Variants in KLHL4 observed in about 807,000 individuals in gnomAD.
The protein encoded by KLHL4 is kelch like family member 4, also known as kelch-like protein 4.
Under a neutral mutation model 45.8 loss-of-function variants are expected in KLHL4, and 17 were observed. That is an observed-to-expected ratio of 0.37 (90% CI 0.25 to 0.56). The LOEUF (loss-of-function observed/expected upper bound fraction) is 0.56. Among genes scored for constraint, KLHL4 ranks in the 20% least tolerant of loss-of-function variants. The pLI is 0.79. For synonymous variants in KLHL4, 224 were observed against 189.9 expected (o/e 1.18, Z -1.47); for missense variants, 544 against 544.9 (o/e 1.00, Z 0.02).
At chrX:87,663,537 C>T (rs943300670) in intron 9 of KLHL4, among the ~76,000 whole-genome samples, 1 of 112,411 alleles carries the variant, frequency 8.9e-6, no homozygotes, top group Non-Finnish European at 1.9e-5. Flanking sequence ...AGTCTTGGGT[C>T]TTTGGATGCA....
At chrX:87,656,570 C>A (rs2147839709) in intron 9 of KLHL4, among the ~76,000 whole-genome samples, 1 of 108,308 alleles carries the variant, frequency 9.2e-6, no homozygotes, top group African/African-American at 3.3e-5. Flanking sequence ...ATCTCTTTGG[C>A]AAATTTATCA....
At chrX:87,565,597 A>G (rs5967854) in intron 1 of KLHL4, among the ~76,000 whole-genome samples, 26,003 of 102,987 alleles carry the variant, frequency 0.25, 2,915 homozygotes, top group East Asian at 0.53. Context: ...TTGGTGGCAC[A>G]TGCCTGTAAA....
intron 9 of KLHL4, among the ~76,000 whole-genome samples, chrX:87,660,709 T>C (rs1411416235): frequency 8.9e-6 from 1 of 112,232 alleles, no homozygotes; most frequent in Non-Finnish European, 1.9e-5. Flanking sequence ...TTGGGCATTG[T>C]CGCGCATGCC....
chrX:87,543,057 C>A (rs1931596463), intron 1 of KLHL4, among the ~76,000 whole-genome samples: 1 of 110,984 alleles, frequency 9.0e-6, no homozygotes, highest in Non-Finnish European at 1.9e-5. Flanking sequence ...GTTTCCCCTG[C>A]ATTCTCTCTC....
chrX:87,640,414 T>C, intron 9 of KLHL4, among the ~76,000 whole-genome samples: 1 of 111,407 alleles, frequency 9.0e-6, no homozygotes, highest in African/African-American at 3.3e-5. Flanking sequence ...CCAATATCCA[T>C]GATGAACATA....
chrX:87,604,048 G>C (rs1324491738), intron 1 of KLHL4, among the ~76,000 whole-genome samples: 1 of 110,555 alleles, frequency 9.0e-6, no homozygotes, highest in African/African-American at 3.3e-5. Context: ...GTCGATCCTT[G>C]TTTCATAAGC....
intron 1 of KLHL4, among the ~76,000 whole-genome samples, chrX:87,541,747 G>T (rs1025399350): frequency 9.0e-6 from 1 of 111,290 alleles, no homozygotes; most frequent in African/African-American, 3.3e-5. Flanking sequence ...GTGGGGCATT[G>T]CTATAAAGAT....
At chrX:87,530,530 T>C (rs1202098345) in intron 1 of KLHL4, among the ~76,000 whole-genome samples, 2 of 100,802 alleles carry the variant, frequency 2.0e-5, no homozygotes, top group African/African-American at 7.3e-5. Context: ...GTTTGGTTTT[T>C]TGTCCTTGCG....
intron 1 of KLHL4, among the ~76,000 whole-genome samples, chrX:87,588,748 C>A (rs1371416641): frequency 5.5e-5 from 6 of 110,025 alleles, no homozygotes; most frequent in Admixed American, 3.9e-4. Context: ...GCGAAAATTT[C>A]TTGAGCAATA....
chrX:87,585,827 C>T (rs1396567500), intron 1 of KLHL4, among the ~76,000 whole-genome samples: 1 of 110,836 alleles, frequency 9.0e-6, no homozygotes, highest in Admixed American at 9.6e-5. Flanking sequence ...AAGACATAGA[C>T]TGGCTGAATG....
intron 8 of KLHL4, among the ~76,000 whole-genome samples, chrX:87,634,627 C>T (rs1454760519): frequency 2.7e-5 from 3 of 111,932 alleles, no homozygotes; most frequent in African/African-American, 3.2e-5. Context: ...GAAGCCAATA[C>T]ATTATCATAG....
chrX:87,661,574 T>G (rs1252359869), intron 9 of KLHL4, among the ~76,000 whole-genome samples: 1 of 111,379 alleles, frequency 9.0e-6, no homozygotes, highest in African/African-American at 3.3e-5. Flanking sequence ...AAATATGTAT[T>G]TACACAAGCC....
chrX:87,665,870 A>G (rs1924350804), intron 10 of KLHL4, among the ~76,000 whole-genome samples: 1 of 111,408 alleles, frequency 9.0e-6, no homozygotes, highest in Admixed American at 9.6e-5. Flanking sequence ...ATTCATTAAG[A>G]CTCAGAAACC....
intron 1 of KLHL4, among the ~76,000 whole-genome samples, chrX:87,540,874 C>A (rs1931536336): frequency 9.0e-6 from 1 of 111,630 alleles, no homozygotes; most frequent in Non-Finnish European, 1.9e-5. Flanking sequence ...TTTCTTTACA[C>A]CAACACCATC....
At chrX:87,561,343 G>A (rs1456756243) in intron 1 of KLHL4, among the ~76,000 whole-genome samples, 1 of 110,880 alleles carries the variant, frequency 9.0e-6, no homozygotes, top group African/African-American at 3.3e-5. Context: ...GCCACATTGG[G>A]GCAGGGATAA....
At chrX:87,597,069 AT>A (rs750876295) in intron 1 of KLHL4, among the ~76,000 whole-genome samples, 1 of 112,269 alleles carries the variant, frequency 8.9e-6, no homozygotes, top group South Asian at 3.6e-4. Context: ...TTTTATTATT[AT>A]TTTTAAATTG....
intron 1 of KLHL4, among the ~76,000 whole-genome samples, chrX:87,529,371 G>A (rs148956675): frequency 0.024 from 2,652 of 111,454 alleles, 30 homozygotes; most frequent in Middle Eastern, 0.038. Context: ...AAGTCAAAAT[G>A]GTGAAAAAGA....
intron 9 of KLHL4, among the ~76,000 whole-genome samples, chrX:87,652,292 G>A (rs1466531412): frequency 8.9e-6 from 1 of 112,483 alleles, no homozygotes; most frequent in East Asian, 2.8e-4. Flanking sequence ...TGTCTTGGCA[G>A]TTAACATTCA....
In KLHL4 at chrX:87,637,188, C is replaced by T. The variant is rs372356932; in HGVS notation, c.1925+1413C>T. Among the ~76,000 whole-genome samples, 8 of 111,517 alleles carry T rather than the reference C, an allele frequency of 7.2e-5. No homozygotes were observed. The East Asian group carries it at 1.1e-3, about 16-fold the overall frequency. On this transcript the variant is annotated intron_variant, in intron 9 of 10. Coordinates refer to ENST00000373119, the MANE Select transcript of KLHL4 (RefSeq NM_019117.5). Reference sequence around the variant, plus strand: ...TCACAGGACTCATGGCAGACACTCCCCACCCCAGTAGCTCTGCTGGGTGGC... The same window carrying T: ...TCACAGGACTCATGGCAGACACTCCTCACCCCAGTAGCTCTGCTGGGTGGC...
Sources: gnomAD v4.1 joint callset for allele counts (sites outside exome capture counted in the v4.1 genomes callset) on GRCh38, gnomAD v4.1.1 for gene constraint, MANE v1.5 for transcripts, NCBI Gene and HGNC (gene_info 2026-07-23, HGNC 2026-07-21) for gene names.